Variants in NPAS4 observed in about 807,000 individuals in gnomAD.
NPAS4 encodes neuronal PAS domain-containing protein 4.
A neutral mutation model predicts 64.0 loss-of-function variants in NPAS4; 10 were observed. The ratio of observed to expected loss-of-function variants is 0.16; its 90% confidence interval spans 0.10 to 0.26. The LOEUF is 0.26. Ranked by LOEUF, NPAS4 falls within the 10% of genes least tolerant of loss-of-function variation. The probability of loss-of-function intolerance (pLI) is 1.00; values close to 1 mark genes in which losing one functional copy is unlikely to be tolerated. For synonymous variants in NPAS4, 441 were observed against 411.7 expected (o/e 1.07, Z -0.86); for missense variants, 886 against 992.6 (o/e 0.89, Z 1.44).
chr11:66,425,800 T>C (rs1856831281), intron 7 of NPAS4, among the ~76,000 whole-genome samples, 161 bp from the exon 8 acceptor site: 1 of 152,190 alleles, frequency 6.6e-6, no homozygotes, highest in South Asian at 2.1e-4. Flanking sequence ...TTTCACTCCG[T>C]CCATCCAAAT....
chr11:66,426,151 C>A lies in NPAS4; in HGVS notation c.*162C>A. On this transcript the variant is annotated 3_prime_UTR_variant, in exon 8 of 8. Coordinates refer to ENST00000311034, the MANE Select transcript of NPAS4 (RefSeq NM_178864.4). The stretch of plus-strand genomic sequence containing the variant: ...TTTTGGGGGGGGGGAGGTGGGAGGG[C>A]AAGGGAGGGGAGCTTCTTTTTAAAA... The A allele has an allele frequency of 3.1e-5, 14 of 452,624 alleles. No homozygotes were observed. The highest frequency in any genetic ancestry group is 3.3e-5 in the Non-Finnish European group (8 of 239,338). The allele number at this position is 452,624 out of a possible 1,614,324, so 28.0% of individuals were successfully genotyped here.
At chr11:66,422,374 C>T (rs916919931) in intron 2 of NPAS4, 77 bp from the exon 3 acceptor site, 4 of 1,472,070 alleles carry the variant, frequency 2.7e-6, no homozygotes, top group African/African-American at 2.8e-5. Flanking sequence ...AGAGGTTATA[C>T]CCTACAAGAT....
chr11:66,418,244 T>A (rs1409706715), upstream of NPAS4, among the ~76,000 whole-genome samples: 7 of 152,160 alleles, frequency 4.6e-5, no homozygotes, highest in Non-Finnish European at 8.8e-5. Flanking sequence ...CTTAGCTTGT[T>A]CTGCTGCTGC....
In NPAS4 at chr11:66,424,094, C is replaced by T. The variant is rs145286951; in HGVS notation, c.1204C>T (p.Leu402=). ...RPSKELDFSY[L]TFPSGPEPSL... ...CTCCAAAGAACTGGACTTCAGTTAC[C>T]TGACATTCCCTTCTGGGCCTGAGCC... is the stretch of plus-strand genomic sequence containing the variant. Residue 402 remains leucine (L), a synonymous_variant, in exon 7 of 8, where the codon CTG becomes TTG. Coordinates refer to ENST00000311034, the MANE Select transcript of NPAS4 (RefSeq NM_178864.4). 4.3e-6 allele frequency: 7 copies of T among 1,613,958 alleles called. No homozygotes were observed. The highest frequency in any genetic ancestry group is 2.7e-5 in the African/African-American group (2 of 74,864).
chr11:66,422,560 A>T lies in NPAS4; in HGVS notation c.430+7A>T, dbSNP rs776571081. ...CCCTCTGCCCTGGACACTGGTAAGG[A>T]CTCCCTTCTCCCTTCCTCGGTCCAA... is the stretch of plus-strand genomic sequence containing the variant. On this transcript the variant is annotated splice_region_variant and intron_variant, in intron 3 of 7. Coordinates refer to ENST00000311034, the MANE Select transcript of NPAS4 (RefSeq NM_178864.4). 14 of 1,610,218 alleles carry T rather than the reference A, an allele frequency of 8.7e-6. No individual in the cohort carries two copies. The East Asian group carries it at 2.5e-4, about 28-fold the overall frequency.
intron 4 of NPAS4, 37 bp from the exon 5 acceptor site, chr11:66,423,086 A>G (rs1856774938): frequency 6.5e-7 from 1 of 1,539,232 alleles, no homozygotes; most frequent in Non-Finnish European, 8.9e-7. Context: ...CAAGCAAGGA[A>G]AACAGAAAGC....
At chr11:66,425,338 G>A in intron 7 of NPAS4, 68 bp downstream of exon 7, 1 of 858,328 alleles carries the variant, frequency 1.2e-6, no homozygotes, top group Non-Finnish European at 1.7e-6. Flanking sequence ...GTAGATTTAG[G>A]CAAATCAATT....
chr11:66,424,861 C>T lies in NPAS4; in HGVS notation c.1971C>T (p.Gly657=), dbSNP rs552263741. ...DRPFSAEAGT[G]GLEPLGGLEP... is the part of the protein sequence containing the mutation. ...CCTTCTCAGCTGAGGCTGGCACTGGCGGACTAGAGCCACTTGGAGGACTGG... is the reference window on the plus strand; with the variant it reads ...CCTTCTCAGCTGAGGCTGGCACTGGTGGACTAGAGCCACTTGGAGGACTGG... The change falls in exon 7 of 8, where the codon GGC becomes GGT. Residue 657 remains glycine, a synonymous_variant. Coordinates refer to ENST00000311034, the MANE Select transcript of NPAS4 (RefSeq NM_178864.4). 24 of 1,612,158 alleles carry T rather than the reference C, an allele frequency of 1.5e-5. No individual in the cohort carries two copies. Among genetic ancestry groups the T allele is most frequent in the African/African-American group, 5.3e-5 (4 of 74,902 alleles).
At chr11:66,412,163 G>A in the NPAS4 span, among the ~76,000 whole-genome samples, 1 of 152,244 alleles carries the variant, frequency 6.6e-6, no homozygotes, top group African/African-American at 2.4e-5. Flanking sequence ...GGAGCCACAA[G>A]GGTCTTAAGC....
At chr11:66,423,767 A>G in intron 6 of NPAS4, 54 bp downstream of exon 6, 1 of 1,610,854 alleles carries the variant, frequency 6.2e-7, no homozygotes, top group Non-Finnish European at 8.5e-7. Flanking sequence ...TGGAGGAGAC[A>G]CAAATCAGGG....
At chr11:66,413,782 GCAGGGT>G in the NPAS4 span, among the ~76,000 whole-genome samples, 2 of 152,106 alleles carry the variant, frequency 1.3e-5, no homozygotes, top group Non-Finnish European at 2.9e-5. Context: ...AACTCCTCAG[GCAGGGT>G]CACCCCTCCT....
intron 1 of NPAS4, among the ~76,000 whole-genome samples, chr11:66,421,791 G>A (rs1856746958): frequency 6.6e-6 from 1 of 152,234 alleles, no homozygotes; most frequent in Non-Finnish European, 1.5e-5. Context: ...GGCCGTGTAT[G>A]GCTCTGTCCA....
chr11:66,418,656 A>C (rs1856696212), upstream of NPAS4, among the ~76,000 whole-genome samples: 1 of 152,122 alleles, frequency 6.6e-6, no homozygotes, highest in Non-Finnish European at 1.5e-5. Context: ...TTCTCCTGGA[A>C]AAAGCCAGGG....
Position 66,423,189 on chromosome 11 carries a change from C to T in NPAS4, c.765C>T (p.His255=). ...LLCKSWYGLL[H]PEDLAHASAQ... ...GTAAATCATGGTATGGACTGCTGCA[C>T]CCCGAGGACCTGGCCCACGCTTCTG... Residue 255 remains histidine, a synonymous_variant, in exon 5 of 8, where the codon CAC becomes CAT. Coordinates refer to ENST00000311034, the MANE Select transcript of NPAS4 (RefSeq NM_178864.4). 6.2e-7 allele frequency: 1 copy of T among 1,611,160 alleles called. No individual in the cohort carries two copies. Among genetic ancestry groups the T allele is most frequent in the Non-Finnish European group, 8.5e-7 (1 of 1,178,470 alleles).
rs1352327185 is a variant in NPAS4 at position 66,424,101 on chromosome 11, T to A, written c.1211T>A (p.Phe404Tyr). Residue 404 changes from phenylalanine (F) to tyrosine (Y), a missense_variant, in exon 7 of 8, where the codon TTC becomes TAC. Physicochemically the swap from Phe to Tyr is conservative, Grantham distance 22. Around this residue, in one of 3 missense-constraint regions of NPAS4, gnomAD observed 820 missense variants for 855.5 expected, o/e 0.96. Transcript: ENST00000311034. Reference sequence around the variant, plus strand: ...GAACTGGACTTCAGTTACCTGACATTCCCTTCTGGGCCTGAGCCTTCTCTC... The same window carrying A: ...GAACTGGACTTCAGTTACCTGACATACCCTTCTGGGCCTGAGCCTTCTCTC... ...SKELDFSYLTFPSGPEPSLQA... is the reference protein window; with the variant it reads ...SKELDFSYLTYPSGPEPSLQA... 6.2e-7 allele frequency: 1 copy of A among 1,613,926 alleles called. No individual in the cohort carries two copies. Among genetic ancestry groups the A allele is most frequent in the Non-Finnish European group, 8.5e-7 (1 of 1,179,986 alleles).
Position 66,424,549 on chromosome 11 carries a change from G to A in NPAS4, c.1659G>A (p.Leu553=). Residue 553 remains leucine (L), a synonymous_variant, in exon 7 of 8, where the codon CTG becomes CTA. Coordinates refer to ENST00000311034, the MANE Select transcript of NPAS4 (RefSeq NM_178864.4). ...CCAGCCAAACCTTCCCAGAGCAACT[G>A]AGCCCCAACCCTACCAAGACTTACT... The part of the protein sequence containing the change: ...DSPSQTFPEQ[L]SPNPTKTYFA... 6.2e-7 allele frequency: 1 copy of A among 1,614,148 alleles called. No homozygotes were observed. The highest frequency in any genetic ancestry group is 8.5e-7 in the Non-Finnish European group (1 of 1,180,006).
rs144382366 is a variant in NPAS4 at position 66,422,175 on chromosome 11, C to T, written c.231C>T (p.Ile77=). Residue 77 remains isoleucine, a synonymous_variant, in exon 2 of 8, where the codon ATC becomes ATT. Transcript: ENST00000311034. ...GLLSAQELED[I]VAALPGFLLV... is the part of the protein sequence containing the mutation. ...TCTCAGCTCAAGAGCTTGAGGACAT[C>T]GTAGCGGCACTACCCGGCTTTCTGC... The T allele has an allele frequency of 1.8e-5, 29 of 1,614,042 alleles. No individual in the cohort carries two copies. The East Asian group carries it at 5.6e-4, about 31-fold the overall frequency.
intron 4 of NPAS4, 83 bp downstream of exon 4, chr11:66,423,024 G>T (rs189514639): frequency 6.5e-7 from 1 of 1,541,582 alleles, no homozygotes; most frequent in Non-Finnish European, 8.8e-7. Flanking sequence ...GGGCAGGGAG[G>T]ATGGGGTTTA....
upstream of NPAS4, among the ~76,000 whole-genome samples, chr11:66,419,940 T>C (rs555497026): frequency 1.2e-3 from 188 of 152,216 alleles, 6 homozygotes; most frequent in South Asian, 0.038. Flanking sequence ...TGCTCCCCCA[T>C]CTTGCCCGCC....
Sources: gnomAD v4.1 joint callset for allele counts (sites outside exome capture counted in the v4.1 genomes callset) on GRCh38, gnomAD v4.1.1 for gene constraint, gnomAD v4.1.1 regional missense constraint, MANE v1.5 for transcripts, NCBI Gene and HGNC (gene_info 2026-07-23, HGNC 2026-07-21) for gene names.